Variants in SLC24A4 observed in about 807,000 individuals in gnomAD.
SLC24A4 encodes sodium/potassium/calcium exchanger 4.
In SLC24A4, 53 loss-of-function variants were observed where a neutral mutation model predicts 79.0. The observed-to-expected ratio is 0.67, with a 90% confidence interval of 0.54 to 0.84. The LOEUF is 0.84. Ranked by LOEUF, SLC24A4 falls within the 40% of genes least tolerant of loss-of-function variation. The pLI is 0.00. For synonymous variants in SLC24A4, 323 were observed against 323.8 expected, an observed-to-expected ratio of 1.00 and a Z score of 0.03; for missense variants, 731 against 822.0, an observed-to-expected ratio of 0.89 and a Z score of 1.35.
At chr14:92,435,195 C>A (rs762583445) in intron 3 of SLC24A4, among the ~76,000 whole-genome samples, 1 of 152,128 alleles carries the variant, frequency 6.6e-6, no homozygotes, top group Non-Finnish European at 1.5e-5. Flanking sequence ...TTCAGATGGA[C>A]CTTGATGACA....
intron 7 of SLC24A4, 22 bp downstream of exon 7, chr14:92,443,496 A>T (rs771947029): frequency 1.9e-6 from 3 of 1,613,456 alleles, no homozygotes; most frequent in Non-Finnish European, 2.5e-6. Flanking sequence ...CTCTGCCCCC[A>T]AGGTCAGGTT....
At chr14:92,453,664 C>T (rs1359790014) in intron 10 of SLC24A4, 1 of 475,488 alleles carries the variant, frequency 2.1e-6, no homozygotes, top group Non-Finnish European at 3.7e-6. Flanking sequence ...CACGAGTGGT[C>T]CTGGAGCAAG....
At position 92,323,852 on chromosome 14, in the gene SLC24A4, C is replaced by A; in HGVS notation, c.22C>A (p.Arg8=). The A allele has an allele frequency of 6.3e-7, 1 of 1,590,492 alleles. No individual in the cohort carries two copies. The highest frequency in any genetic ancestry group is 8.5e-7 in the Non-Finnish European group (1 of 1,175,052). The change falls in exon 1 of 17, where the codon CGG becomes AGG. Residue 8 remains arginine, a synonymous_variant. Transcript: ENST00000532405. The surrounding 1 kb of genome is among the most constrained non-coding windows in gnomAD (Gnocchi z 4.9). ...CGGGATGGCGCTCCGCGGGACCCTC[C>A]GGCCGCTCAAAGTTCGCAGGAGGCG... MALRGTL[R]PLKVRRRREM...
intron 2 of SLC24A4, among the ~76,000 whole-genome samples, chr14:92,387,218 C>A (rs1055078045): frequency 6.6e-6 from 1 of 151,414 alleles, no homozygotes; most frequent in Admixed American, 6.6e-5. Context: ...GCTGTGTCAC[C>A]CAGGCTGGAG....
At chr14:92,355,057 GAGAA>G (rs1170238641) in intron 2 of SLC24A4, among the ~76,000 whole-genome samples, 5 of 152,170 alleles carry the variant, frequency 3.3e-5, no homozygotes, top group Non-Finnish European at 7.4e-5. Flanking sequence ...CTGTGTGACA[GAGAA>G]AGACTCTATC....
intron 2 of SLC24A4, among the ~76,000 whole-genome samples, chr14:92,415,759 C>T (rs1346538468): frequency 6.6e-6 from 1 of 151,488 alleles, no homozygotes; most frequent in African/African-American, 2.4e-5. Flanking sequence ...CGCCCGGCCT[C>T]TATGTTTTTA....
intron 2 of SLC24A4, among the ~76,000 whole-genome samples, chr14:92,425,585 G>A (rs902318016): frequency 6.6e-6 from 1 of 152,224 alleles, no homozygotes; most frequent in South Asian, 2.1e-4. Context: ...GCCATTGTCT[G>A]TTCGTATTAA....
In SLC24A4 at chr14:92,433,952, G is replaced by A. The variant is rs768573616; in HGVS notation, c.282G>A (p.Glu94=). The A allele has an allele frequency of 2.5e-6, 4 of 1,614,220 alleles. No homozygotes were observed. Among genetic ancestry groups the A allele is most frequent in the Non-Finnish European group, 3.4e-6 (4 of 1,180,034 alleles). Reference sequence around the variant, plus strand: ...CCACAGATCTGTTCTCCAATAAGGAGCGACAGCACGGAGCCGTCCTGCTGC... The same window carrying A: ...CCACAGATCTGTTCTCCAATAAGGAACGACAGCACGGAGCCGTCCTGCTGC... ...EFPTDLFSNK[E]RQHGAVLLHI... The change falls in exon 3 of 17, where the codon GAG becomes GAA. Residue 94 remains glutamate (E), a synonymous_variant. Transcript: ENST00000532405.
intron 9 of SLC24A4, 21 bp downstream of exon 9, chr14:92,447,445 C>A: frequency 6.2e-7 from 1 of 1,612,320 alleles, no homozygotes; most frequent in African/African-American, 1.3e-5. Flanking sequence ...TTTCTCCTCC[C>A]CGGGGCTGCC....
At chr14:92,362,778 C>G (rs1887609813) in intron 2 of SLC24A4, among the ~76,000 whole-genome samples, 1 of 152,248 alleles carries the variant, frequency 6.6e-6, no homozygotes, top group Non-Finnish European at 1.5e-5. Context: ...TTTCTGGTGC[C>G]TGGGCTTGTG....
At chr14:92,419,330 C>T (rs1355301363) in intron 2 of SLC24A4, among the ~76,000 whole-genome samples, 2 of 152,194 alleles carry the variant, frequency 1.3e-5, no homozygotes, top group African/African-American at 4.8e-5. Context: ...CAACCACTCA[C>T]TCTGGCAAAT....
intron 2 of SLC24A4, among the ~76,000 whole-genome samples, chr14:92,406,041 TG>T (rs1304555619): frequency 2.0e-5 from 3 of 152,136 alleles, no homozygotes; most frequent in African/African-American, 2.4e-5. Flanking sequence ...CAAGATACAG[TG>T]GGGGTACAGC....
chr14:92,434,698 G>A (rs1595274682), intron 3 of SLC24A4, among the ~76,000 whole-genome samples: 1 of 152,194 alleles, frequency 6.6e-6, no homozygotes. Flanking sequence ...TCTGAAGCAC[G>A]TTTAAGGTAG....
intron 2 of SLC24A4, among the ~76,000 whole-genome samples, chr14:92,331,208 A>C (rs973693039): frequency 1.3e-5 from 2 of 152,130 alleles, no homozygotes; most frequent in East Asian, 1.9e-4. Flanking sequence ...ACCCAGTTCA[A>C]AGTAGCCCTC....
chr14:92,443,084 C>T (rs928064178), intron 6 of SLC24A4, among the ~76,000 whole-genome samples: 2 of 152,152 alleles, frequency 1.3e-5, no homozygotes, highest in Non-Finnish European at 2.9e-5. Flanking sequence ...CCCTGCCTTG[C>T]AGAGGGAGAT....
chr14:92,407,308 G>A (rs1290861532), intron 2 of SLC24A4, among the ~76,000 whole-genome samples: 1 of 152,126 alleles, frequency 6.6e-6, no homozygotes, highest in African/African-American at 2.4e-5. Context: ...AAGTCTCTTG[G>A]AAGTTCCAAA....
At chr14:92,412,969 A>G (rs968237789) in intron 2 of SLC24A4, among the ~76,000 whole-genome samples, 3 of 152,260 alleles carry the variant, frequency 2.0e-5, no homozygotes, top group African/African-American at 7.2e-5. Context: ...ATTTTAGTGA[A>G]CATAAATAAA....
At chr14:92,393,388 G>A (rs1160245403) in intron 2 of SLC24A4, among the ~76,000 whole-genome samples, 2 of 152,106 alleles carry the variant, frequency 1.3e-5, no homozygotes, top group East Asian at 1.9e-4. Context: ...GGTCCTGGGA[G>A]TTCCCTTCAT....
intron 12 of SLC24A4, among the ~76,000 whole-genome samples, chr14:92,481,452 TAA>T (rs1895069169): frequency 6.6e-6 from 1 of 152,192 alleles, no homozygotes; most frequent in Non-Finnish European, 1.5e-5. Flanking sequence ...TCTGGTAAAA[TAA>T]AGACAGCCTT....
Sources: gnomAD v4.1 joint callset for allele counts (sites outside exome capture counted in the v4.1 genomes callset) on GRCh38, gnomAD v4.1.1 for gene constraint, Gnocchi (gnomAD v3.1) non-coding constraint, MANE v1.5 for transcripts, NCBI Gene and HGNC (gene_info 2026-07-23, HGNC 2026-07-21) for gene names.